The following FRAS1 variants were observed in gnomAD, a reference collection of about 807,000 sequenced individuals.
FRAS1 encodes extracellular matrix organizing protein FRAS1.
A neutral mutation model predicts 435.2 loss-of-function variants in FRAS1; 290 were observed. That is an observed-to-expected ratio of 0.67 (90% CI 0.61 to 0.73). The LOEUF (loss-of-function observed/expected upper bound fraction) is 0.73. Ranked by LOEUF, FRAS1 falls within the 30% of genes least tolerant of loss-of-function variation. The pLI is 0.00. For synonymous variants in FRAS1, 1,800 were observed against 1,851.0 expected (o/e 0.97, Z 0.71); for missense variants, 4,860 against 5,001.5 (o/e 0.97, Z 0.85).
intron 38 of FRAS1, among the ~76,000 whole-genome samples, chr4:78,434,663 T>C (rs1034499853): frequency 6.6e-6 from 1 of 151,686 alleles, no homozygotes; most frequent in African/African-American, 2.4e-5. Context: ...CAAAAAGTAT[T>C]AGAAAAAAAG....
intron 22 of FRAS1, among the ~76,000 whole-genome samples, chr4:78,368,132 TA>T (rs569325662): frequency 8.8e-4 from 128 of 144,760 alleles, no homozygotes; most frequent in African/African-American, 3.3e-3. Context: ...ACACCATGCA[TA>T]AAAATTCTAG....
At chr4:78,145,342 T>C (rs1484278320) in intron 2 of FRAS1, among the ~76,000 whole-genome samples, 1 of 152,170 alleles carries the variant, frequency 6.6e-6, no homozygotes, top group Non-Finnish European at 1.5e-5. Flanking sequence ...TCTAAGATGT[T>C]TTCATAGTCA....
At chr4:78,075,863 G>C (rs1382730582) in intron 2 of FRAS1, among the ~76,000 whole-genome samples, 1 of 152,130 alleles carries the variant, frequency 6.6e-6, no homozygotes, top group Non-Finnish European at 1.5e-5. Context: ...ATAAGTAAAC[G>C]CATAAGTGGC....
At chr4:78,278,186 G>C (rs1008631974) in intron 9 of FRAS1, among the ~76,000 whole-genome samples, 2 of 152,176 alleles carry the variant, frequency 1.3e-5, no homozygotes, top group African/African-American at 4.8e-5. Flanking sequence ...GTTTTCTACT[G>C]CTTAATTTAT....
At chr4:78,284,696 C>G (rs1727499232) in intron 13 of FRAS1, 148 bp downstream of exon 13, 1 of 674,582 alleles carries the variant, frequency 1.5e-6, no homozygotes, top group Non-Finnish European at 2.4e-6. Flanking sequence ...CTAAAAACCT[C>G]TAGAAGGTAG....
At chr4:78,513,084 A>G (rs1721088577) in intron 64 of FRAS1, among the ~76,000 whole-genome samples, 1 of 152,236 alleles carries the variant, frequency 6.6e-6, no homozygotes, top group South Asian at 2.1e-4. Context: ...CAGAGTTTCC[A>G]TTAAAAAGCA....
At chr4:78,319,987 T>C in intron 18 of FRAS1, among the ~76,000 whole-genome samples, 1 of 152,252 alleles carries the variant, frequency 6.6e-6, no homozygotes, top group East Asian at 1.9e-4. Flanking sequence ...GTAGCCTTTT[T>C]GCTAGGCTCA....
At chr4:78,455,337 C>T (rs2109838666) in intron 47 of FRAS1, among the ~76,000 whole-genome samples, 1 of 152,254 alleles carries the variant, frequency 6.6e-6, no homozygotes, top group African/African-American at 2.4e-5. Flanking sequence ...AGGCAGTTGG[C>T]TACAGCTTAG....
intron 2 of FRAS1, among the ~76,000 whole-genome samples, chr4:78,090,360 A>G (rs1741451266): frequency 6.6e-6 from 1 of 152,212 alleles, no homozygotes; most frequent in Non-Finnish European, 1.5e-5. Context: ...TTGGACTTTG[A>G]GAGCCAGTTG....
chr4:78,329,618 T>G (rs1729861126), intron 18 of FRAS1, among the ~76,000 whole-genome samples: 1 of 152,224 alleles, frequency 6.6e-6, no homozygotes, highest in Non-Finnish European at 1.5e-5. Flanking sequence ...GGCTTGGAGA[T>G]GGGGTAGTGA....
At chr4:78,298,532 T>TA (rs138902698) in intron 14 of FRAS1, among the ~76,000 whole-genome samples, 4,824 of 152,198 alleles carry the variant, frequency 0.032, 262 homozygotes, top group African/African-American at 0.11. Context: ...GTGTAATATA[T>TA]AAAAAAACAG....
chr4:78,303,570 C>T lies in FRAS1; in HGVS notation c.1535-4496C>T, dbSNP rs551498527. On this transcript the variant is annotated intron_variant, in intron 14 of 73. Transcript: ENST00000512123. ...TTGTAGTTCTTGAAGAGGTCCTTCACGTCCCTTGTAAGTTGGATTCCTAGG... is the reference window on the plus strand; with the variant it reads ...TTGTAGTTCTTGAAGAGGTCCTTCATGTCCCTTGTAAGTTGGATTCCTAGG... 3.6e-3 allele frequency among the ~76,000 whole-genome samples: 542 copies of T among 152,280 alleles called. 4 individuals carry two copies. Among genetic ancestry groups the T allele is most frequent in the Non-Finnish European group, 5.7e-3 (390 of 68,020 alleles).
intron 42 of FRAS1, chr4:78,446,051 A>C (rs1296795735): frequency 5.1e-6 from 6 of 1,180,058 alleles, no homozygotes; most frequent in Middle Eastern, 3.4e-4. Flanking sequence ...TTCTATATGC[A>C]TATTTGCCTT....
intron 9 of FRAS1, among the ~76,000 whole-genome samples, chr4:78,277,860 G>T (rs1271274111): frequency 6.6e-6 from 1 of 151,458 alleles, no homozygotes; most frequent in African/African-American, 2.4e-5. Context: ...CACCCAGGCT[G>T]GAGTGCAGTG....
chr4:78,139,443 T>C (rs998861303), intron 2 of FRAS1, among the ~76,000 whole-genome samples: 8 of 152,216 alleles, frequency 5.3e-5, no homozygotes, highest in African/African-American at 1.9e-4. Context: ...TATTGTTAAG[T>C]ATAAAACAGC....
chr4:78,494,172 T>C (rs139418521), intron 59 of FRAS1, among the ~76,000 whole-genome samples: 5 of 152,338 alleles, frequency 3.3e-5, no homozygotes, highest in African/African-American at 7.2e-5. Context: ...GCTATTGTCC[T>C]CTTTTTTTCA....
chr4:78,196,686 G>T (rs1282189346), intron 2 of FRAS1, among the ~76,000 whole-genome samples: 1 of 152,066 alleles, frequency 6.6e-6, no homozygotes, highest in Non-Finnish European at 1.5e-5. Context: ...TTCTGATAGT[G>T]ATTGAGTATT....
intron 30 of FRAS1, among the ~76,000 whole-genome samples, chr4:78,404,401 G>T (rs535863964): frequency 5.9e-4 from 87 of 146,948 alleles, no homozygotes; most frequent in African/African-American, 1.8e-3. Context: ...CATAGGTGAG[G>T]TACTACAAAA....
chr4:78,525,991 T>C (rs575209830), intron 69 of FRAS1, among the ~76,000 whole-genome samples: 1 of 152,312 alleles, frequency 6.6e-6, no homozygotes, highest in Non-Finnish European at 1.5e-5. Context: ...AAATTGAGTG[T>C]GAGTGAAACG....
Sources: allele counts gnomAD v4.1 joint callset (sites outside exome capture counted in the v4.1 genomes callset), GRCh38; gene constraint gnomAD v4.1.1; transcripts MANE v1.5; gene names NCBI Gene and HGNC (gene_info 2026-07-23, HGNC 2026-07-21).